SH3GLB2: variants seen among roughly 807,000 people sequenced by gnomAD.
SH3GLB2 encodes the protein SH3 domain containing GRB2 like, endophilin B2.
In SH3GLB2, 24 loss-of-function variants were observed where a neutral mutation model predicts 48.0. The observed-to-expected ratio is 0.50, with a 90% CI of 0.36 to 0.70. SH3GLB2 has a LOEUF of 0.70. SH3GLB2 is among the 30% of genes least tolerant of loss of function. The pLI, the probability that SH3GLB2 is intolerant of heterozygous loss-of-function variation, is 0.00. For missense variants in SH3GLB2, 425 were observed against 516.0 expected, an observed-to-expected ratio of 0.82 and a Z score of 1.71; for synonymous variants, 227 against 207.6, an observed-to-expected ratio of 1.09 and a Z score of -0.80.
chr9:129,028,311 C>T lies in SH3GLB2; in HGVS notation c.-157G>A, dbSNP rs1844293095. ...CCGCCTGCCCGCCCGCCGCAGCCGC[C>T]GAGCCAGCCCGAGCGCGCAGGGCGG... is the stretch of plus-strand genomic sequence containing the variant. On this transcript the variant is annotated 5_prime_UTR_variant, in exon 1 of 11. Transcript: ENST00000372564. 1 of 308,930 alleles carries T rather than the reference C, an allele frequency of 3.2e-6. No individual in the cohort carries two copies. The highest frequency in any genetic ancestry group is 4.7e-6 in the Non-Finnish European group (1 of 214,852). 19.1% of individuals were successfully genotyped at this position (308,930 alleles called of 1,614,324 possible).
At chr9:129,026,029 T>G (rs1273835776) in intron 1 of SH3GLB2, among the ~76,000 whole-genome samples, 3 of 151,896 alleles carry the variant, frequency 2.0e-5, no homozygotes, top group African/African-American at 7.3e-5. Flanking sequence ...CTGCCTTAGG[T>G]TTTCTTGCCT....
At chr9:129,027,438 C>T (rs1038575704) in intron 1 of SH3GLB2, among the ~76,000 whole-genome samples, 2 of 152,200 alleles carry the variant, frequency 1.3e-5, no homozygotes, top group African/African-American at 4.8e-5. Flanking sequence ...GTTGAGTTGC[C>T]TGTTACTCTC....
At chr9:129,018,485 G>A (rs1257634305) in intron 3 of SH3GLB2, among the ~76,000 whole-genome samples, 1 of 151,522 alleles carries the variant, frequency 6.6e-6, no homozygotes, top group African/African-American at 2.4e-5. Flanking sequence ...GCTGAGGCAA[G>A]AGAATTGCTT....
rs1279563312 is a variant in SH3GLB2 at position 129,011,547 on chromosome 9, G to C, written c.624+689C>G. On this transcript the variant is annotated intron_variant, in intron 6 of 10. Coordinates refer to ENST00000372564, the MANE Select transcript of SH3GLB2 (RefSeq NM_020145.4). The surrounding 1 kb of genome is among the most constrained non-coding windows in gnomAD (Gnocchi z 4.5). ...AGAGAAAGTGGGCAGACAAGGTGTA[G>C]CAGTGGTGACAAGCATGAGGGAGAG... 4 of 152,394 alleles carry C rather than the reference G, an allele frequency of 2.6e-5. No homozygotes were observed. Among genetic ancestry groups the C allele is most frequent in the Non-Finnish European group, 5.9e-5 (4 of 68,182 alleles). The allele number at this position is 152,394 out of a possible 1,614,324, so 9.4% of individuals were successfully genotyped here.
Position 129,009,876 on chromosome 9 carries a change from G to C in SH3GLB2, c.739-5C>G, listed in dbSNP as rs550583744. On this transcript the variant is annotated splice_polypyrimidine_tract_variant and splice_region_variant and intron_variant, in intron 8 of 10. Transcript: ENST00000372564. ...GAGGCAGCGCAGGTGGTTCACCTGC[G>C]GGGAAGAGGCCAGAGGCTGACTTCT... 7 of 1,612,420 alleles carry C rather than the reference G, an allele frequency of 4.3e-6. No individual in the cohort carries two copies. In the African/African-American group the frequency reaches 9.3e-5, roughly 22 times the overall value.
At position 129,015,142 on chromosome 9, in the gene SH3GLB2, G is replaced by C. The variant is rs77613004; in HGVS notation, c.335-238C>G. Among the ~76,000 whole-genome samples the C allele has an allele frequency of 1.1e-3, 171 of 152,326 alleles. 1 individual carries two copies. In the East Asian group the frequency reaches 0.012, roughly 10 times the overall value. ...GCAGCCATTATAAAGATCGGGGTTA[G>C]ACTTCCAGAATGTCAGAGAAAGGAG... On this transcript the variant is annotated intron_variant, in intron 3 of 10. Transcript: ENST00000372564.
At chr9:129,019,243 A>G (rs1167635456) in intron 3 of SH3GLB2, among the ~76,000 whole-genome samples, 1 of 151,656 alleles carries the variant, frequency 6.6e-6, no homozygotes, top group South Asian at 2.1e-4. Flanking sequence ...TAAAAATTAG[A>G]AGGGCATGGT....
At chr9:129,015,887 G>GA (rs1843391489) in intron 3 of SH3GLB2, 2 of 305,938 alleles carry the variant, frequency 6.5e-6, no homozygotes, top group African/African-American at 2.2e-5. Context: ...GAAAAGAAAA[G>GA]AAAAAACATG....
At chr9:129,013,891 T>A (rs1477587629) in intron 5 of SH3GLB2, 1 of 375,952 alleles carries the variant, frequency 2.7e-6, no homozygotes, top group Non-Finnish European at 5.4e-6. Flanking sequence ...CTCAGTGAGC[T>A]GGGAGTGAAG....
chr9:129,027,342 T>G (rs957514266), intron 1 of SH3GLB2, among the ~76,000 whole-genome samples: 1 of 152,152 alleles, frequency 6.6e-6, no homozygotes, highest in Admixed American at 6.5e-5. Flanking sequence ...ACTGAGAAAC[T>G]GAGGCCCAGT....
chr9:129,019,463 T>TA (rs2131278872), intron 3 of SH3GLB2, among the ~76,000 whole-genome samples: 1 of 151,960 alleles, frequency 6.6e-6, no homozygotes, highest in Admixed American at 6.5e-5. Context: ...CCCAGCACTT[T>TA]GGGAGGCTGA....
chr9:129,019,735 ATTGTGGAGATGT>A (rs1843665614), intron 3 of SH3GLB2, among the ~76,000 whole-genome samples: 1 of 149,280 alleles, frequency 6.7e-6, no homozygotes. Context: ...AAAAAGTTAG[ATTGTGGAGATGT>A]TTGTACAACT....
rs113758735 is a variant in SH3GLB2 at position 129,022,619 on chromosome 9, G to T, written c.64-196C>A. On this transcript the variant is annotated intron_variant, in intron 1 of 10. Coordinates refer to ENST00000372564, the MANE Select transcript of SH3GLB2 (RefSeq NM_020145.4). ...GTTTTCCCCTTTGTGAAATGAGGTG[G>T]CTGGGCCAGAGTGTGGGAATCACAG... 4.6e-5 allele frequency among the ~76,000 whole-genome samples: 7 copies of T among 152,328 alleles called. 1 individual carries two copies. Among genetic ancestry groups the T allele is most frequent in the African/African-American group, 1.7e-4 (7 of 41,574 alleles).
chr9:129,022,260 G>C, intron 2 of SH3GLB2, 22 bp downstream of exon 2: 2 of 1,610,636 alleles, frequency 1.2e-6, no homozygotes, highest in Non-Finnish European at 8.5e-7. Context: ...ATCCCTCCCC[G>C]GGCCCACGAA....
At chr9:129,013,189 G>A (rs1843225364) in intron 5 of SH3GLB2, 1 of 685,690 alleles carries the variant, frequency 1.5e-6, no homozygotes, top group African/African-American at 1.8e-5. Context: ...ACGTGTGCGT[G>A]CTTATGGGGA....
rs772900259 is a variant in SH3GLB2, at chr9:129,008,366, G to A, written c.*318C>T. ...GGGGCTTCCTGAGCCCATCTGCGGCGGCCCCACCCTGGCCTAGGTGCTGAG... is the reference window on the plus strand; with the variant it reads ...GGGGCTTCCTGAGCCCATCTGCGGCAGCCCCACCCTGGCCTAGGTGCTGAG... On this transcript the variant is annotated 3_prime_UTR_variant, in exon 11 of 11. Transcript: ENST00000372564. 4.5e-4 allele frequency: 143 copies of A among 318,284 alleles called. 2 individuals are homozygous for A. Among genetic ancestry groups the A allele is most frequent in the Middle Eastern group, 3.5e-3 (3 of 864 alleles). 19.7% of individuals were successfully genotyped at this position (318,284 alleles called of 1,614,324 possible).
chr9:129,013,186 C>A, intron 5 of SH3GLB2: 1 of 696,570 alleles, frequency 1.4e-6, no homozygotes. Context: ...CTAACGTGTG[C>A]GTGCTTATGG....
chr9:129,016,628 C>T (rs887049310), intron 3 of SH3GLB2, among the ~76,000 whole-genome samples: 5 of 151,008 alleles, frequency 3.3e-5, no homozygotes, highest in South Asian at 2.1e-4. Context: ...ACTGCACTCC[C>T]GCCTGGGTGA....
At position 129,014,422 on chromosome 9, in the gene SH3GLB2, C is replaced by T; in HGVS notation, c.550G>A (p.Ala184Thr). ...GCGGGGACACCTACCGTGGCTTTGG[C>T]TTCTGCAGCCTTGGCCTTCTTCAGC... Reference protein sequence around the residue: ...ARLKKAKAAEAKATTVPDFQE... With the variant: ...ARLKKAKAAETKATTVPDFQE... Residue 184 changes from alanine (A) to threonine (T), a missense_variant, in exon 5 of 11, where the codon GCC becomes ACC. Coordinates refer to ENST00000372564, the MANE Select transcript of SH3GLB2 (RefSeq NM_020145.4). This position sits in a 1 kb window ranked among gnomAD's most constrained non-coding sequence, Gnocchi z 4.1. 1.3e-6 allele frequency: 2 copies of T among 1,550,064 alleles called. No homozygotes were observed. The highest frequency in any genetic ancestry group is 2.4e-5 in the South Asian group (2 of 83,992).
Sources: allele counts gnomAD v4.1 joint callset (sites outside exome capture counted in the v4.1 genomes callset), GRCh38; gene constraint gnomAD v4.1.1; non-coding constraint Gnocchi (gnomAD v3.1); transcripts MANE v1.5; gene names NCBI Gene and HGNC (gene_info 2026-07-23, HGNC 2026-07-21).